TMEM117: variants seen among roughly 807,000 people sequenced by gnomAD.
The protein encoded by TMEM117 is transmembrane protein 117.
In TMEM117, 27 loss-of-function variants were observed where a neutral mutation model predicts 52.4. That is an observed-to-expected ratio of 0.51 (90% confidence interval 0.38 to 0.71). TMEM117 has a LOEUF of 0.71. Ranked by LOEUF, TMEM117 falls within the 30% of genes least tolerant of loss-of-function variation. TMEM117 has a pLI of 0.00. For missense variants in TMEM117, 556 were observed against 630.5 expected, an observed-to-expected ratio of 0.88 and a Z score of 1.26; for synonymous variants, 215 against 206.3, an observed-to-expected ratio of 1.04 and a Z score of -0.36.
intron 5 of TMEM117, among the ~76,000 whole-genome samples, chr12:44,284,069 C>T (rs965271336): frequency 6.6e-6 from 1 of 152,174 alleles, no homozygotes; most frequent in East Asian, 1.9e-4. Context: ...AATCCCAGCA[C>T]TTTGGGAGGC....
intron 6 of TMEM117, among the ~76,000 whole-genome samples, chr12:44,362,336 G>T (rs531450329): frequency 6.6e-6 from 1 of 152,046 alleles, no homozygotes; most frequent in African/African-American, 2.4e-5. Flanking sequence ...CCTATCTAAC[G>T]TAGCTTCTCC....
chr12:44,029,349 C>G (rs1317840288), intron 3 of TMEM117, among the ~76,000 whole-genome samples: 1 of 152,184 alleles, frequency 6.6e-6, no homozygotes, highest in Admixed American at 6.5e-5. Context: ...CTGCTTAGCA[C>G]TCTTTGCTTA....
At chr12:44,361,619 A>T (rs1371056797) in intron 6 of TMEM117, among the ~76,000 whole-genome samples, 1 of 152,156 alleles carries the variant, frequency 6.6e-6, no homozygotes, top group African/African-American at 2.4e-5. Context: ...CCGCGCATCT[A>T]CTATTGTGCT....
At chr12:44,341,618 A>G (rs1951418262) in intron 6 of TMEM117, among the ~76,000 whole-genome samples, 1 of 152,156 alleles carries the variant, frequency 6.6e-6, no homozygotes, top group African/African-American at 2.4e-5. Context: ...TGAGGTGGTC[A>G]TCTTGGCCTG....
intron 2 of TMEM117, among the ~76,000 whole-genome samples, chr12:43,913,108 T>C (rs376525333): frequency 4.1e-4 from 63 of 152,290 alleles, no homozygotes; most frequent in South Asian, 1.7e-3. Flanking sequence ...GTTGAACATA[T>C]GGCCCTGTCA....
At chr12:44,101,959 A>T (rs1161023347) in intron 3 of TMEM117, among the ~76,000 whole-genome samples, 3 of 152,104 alleles carry the variant, frequency 2.0e-5, no homozygotes, top group Non-Finnish European at 2.9e-5. Flanking sequence ...TTCTACAAGC[A>T]TCATAAACTG....
intron 3 of TMEM117, among the ~76,000 whole-genome samples, chr12:44,106,314 G>A (rs1369387259): frequency 6.6e-6 from 1 of 152,010 alleles, no homozygotes; most frequent in Non-Finnish European, 1.5e-5. Flanking sequence ...ATATATGAAA[G>A]CAGGCAGTTT....
intron 4 of TMEM117, among the ~76,000 whole-genome samples, chr12:44,155,662 G>A (rs193055713): frequency 6.6e-6 from 1 of 152,200 alleles, no homozygotes; most frequent in East Asian, 1.9e-4. Context: ...TGAGATAAAA[G>A]GGTCTGTGAG....
chr12:44,037,907 T>C (rs1358018281), intron 3 of TMEM117, among the ~76,000 whole-genome samples: 2 of 152,072 alleles, frequency 1.3e-5, no homozygotes, highest in African/African-American at 2.4e-5. Context: ...TGGGCAGATA[T>C]TGGGAGTACC....
intron 3 of TMEM117, among the ~76,000 whole-genome samples, chr12:44,066,630 G>T (rs988123721): frequency 2.0e-5 from 3 of 152,186 alleles, no homozygotes; most frequent in Non-Finnish European, 4.4e-5. Flanking sequence ...TAAGTGTGCA[G>T]TAGGATTATG....
intron 3 of TMEM117, among the ~76,000 whole-genome samples, chr12:43,984,856 T>C (rs1055438664): frequency 1.3e-5 from 2 of 152,198 alleles, no homozygotes; most frequent in African/African-American, 4.8e-5. Context: ...CCGAAATGTC[T>C]TTTATTTGCA....
intron 3 of TMEM117, among the ~76,000 whole-genome samples, chr12:44,027,732 T>A (rs562827518): frequency 4.5e-4 from 68 of 152,208 alleles, no homozygotes; most frequent in Non-Finnish European, 8.1e-4. Context: ...TCTAGGACTT[T>A]AGAACTATCG....
chr12:44,129,697 C>T (rs1161942387), intron 3 of TMEM117, among the ~76,000 whole-genome samples: 1 of 152,042 alleles, frequency 6.6e-6, no homozygotes, highest in Non-Finnish European at 1.5e-5. Flanking sequence ...AAATGGTAGC[C>T]CTTTCATTCA....
the TMEM117 span, among the ~76,000 whole-genome samples, chr12:43,819,888 C>A: frequency 3.3e-5 from 5 of 152,078 alleles, no homozygotes; most frequent in Non-Finnish European, 5.9e-5. Flanking sequence ...ATGCTGAATT[C>A]TACAAAAGAG....
chr12:43,813,237 T>TG, the TMEM117 span, among the ~76,000 whole-genome samples: 6 of 113,990 alleles, frequency 5.3e-5, no homozygotes, highest in Non-Finnish European at 7.5e-5. Flanking sequence ...TCTTGTTTTT[T>TG]TTTTTTTTTT....
intron 3 of TMEM117, among the ~76,000 whole-genome samples, chr12:44,031,800 G>T (rs77434712): frequency 0.043 from 6,472 of 152,184 alleles, 186 homozygotes; most frequent in South Asian, 0.084. Context: ...AGTTATTTGC[G>T]TAAGTGCAAT....
At chr12:43,803,953 CCA>C in the TMEM117 span, among the ~76,000 whole-genome samples, 1 of 152,080 alleles carries the variant, frequency 6.6e-6, no homozygotes, top group South Asian at 2.1e-4. Context: ...AAAGATTCTC[CCA>C]CTCAACCAGA....
chr12:43,959,958 G>C (rs1236479204), intron 3 of TMEM117, among the ~76,000 whole-genome samples: 1 of 152,186 alleles, frequency 6.6e-6, no homozygotes, highest in East Asian at 1.9e-4. Context: ...GACTGGGAAA[G>C]GGTTCAGGAG....
chr12:43,807,688 A>G, the TMEM117 span, among the ~76,000 whole-genome samples: 1,190 of 152,276 alleles, frequency 7.8e-3, 10 homozygotes, highest in Middle Eastern at 0.024. Flanking sequence ...CGTGCTTGGG[A>G]AAGGCCACTG....
Sources: gnomAD v4.1 joint callset for allele counts (sites outside exome capture counted in the v4.1 genomes callset) on GRCh38, gnomAD v4.1.1 for gene constraint, MANE v1.5 for transcripts, NCBI Gene and HGNC (gene_info 2026-07-23, HGNC 2026-07-21) for gene names.